Variants in GPC5 observed in about 807,000 individuals in gnomAD.
GPC5 encodes the protein glypican 5.
In GPC5, 47 loss-of-function variants were observed where a neutral mutation model predicts 53.9. The observed-to-expected ratio is 0.87, with a 90% CI of 0.69 to 1.11. The LOEUF is 1.11. GPC5 is among the 50% of genes most tolerant of loss of function. GPC5 has a pLI of 0.00. For synonymous variants in GPC5, 286 were observed against 263.3 expected, an observed-to-expected ratio of 1.09 and a Z score of -0.84; for missense variants, 748 against 713.1, an observed-to-expected ratio of 1.05 and a Z score of -0.56.
At chr13:92,293,413 G>C (rs2043011408) in intron 7 of GPC5, among the ~76,000 whole-genome samples, 1 of 135,238 alleles carries the variant, frequency 7.4e-6, no homozygotes, top group Admixed American at 7.4e-5. Flanking sequence ...AAGGTTGGTT[G>C]GTTGGTTTCT....
chr13:91,598,791 C>T (rs2033082057), intron 2 of GPC5, among the ~76,000 whole-genome samples: 1 of 152,062 alleles, frequency 6.6e-6, no homozygotes, highest in Non-Finnish European at 1.5e-5. Flanking sequence ...GCCCCCTCCT[C>T]ATCTACCTAA....
intron 6 of GPC5, among the ~76,000 whole-genome samples, chr13:92,126,190 C>T (rs185809237): frequency 6.6e-6 from 1 of 151,584 alleles, no homozygotes; most frequent in Non-Finnish European, 1.5e-5. Context: ...CCTGACCTTG[C>T]GATCCACCCG....
At chr13:92,569,095 A>G (rs1882946445) in intron 7 of GPC5, among the ~76,000 whole-genome samples, 1 of 97,760 alleles carries the variant, frequency 1.0e-5, no homozygotes, top group Admixed American at 1.5e-4. Flanking sequence ...ACCCCACAAC[A>G]GTCCCCAGAG....
chr13:91,706,890 A>G (rs529373414), intron 3 of GPC5, among the ~76,000 whole-genome samples: 31 of 152,322 alleles, frequency 2.0e-4, no homozygotes, highest in African/African-American at 7.5e-4. Flanking sequence ...GGAATGTGCC[A>G]AATAGCAACA....
intron 7 of GPC5, among the ~76,000 whole-genome samples, chr13:92,857,416 T>C (rs375719773): frequency 6.6e-6 from 1 of 152,084 alleles, no homozygotes; most frequent in Non-Finnish European, 1.5e-5. Context: ...TGGTAAAAAA[T>C]TTATGACCAA....
intron 7 of GPC5, among the ~76,000 whole-genome samples, chr13:92,774,729 A>G (rs921397689): frequency 6.6e-6 from 1 of 152,190 alleles, no homozygotes; most frequent in African/African-American, 2.4e-5. Flanking sequence ...GACAAAATGA[A>G]CTTATGAAAG....
chr13:91,913,006 C>T (rs759302317), intron 6 of GPC5, among the ~76,000 whole-genome samples: 7 of 152,108 alleles, frequency 4.6e-5, no homozygotes, highest in Non-Finnish European at 1.0e-4. Flanking sequence ...TCTCTAGAGA[C>T]CAAGGTAACT....
intron 7 of GPC5, among the ~76,000 whole-genome samples, chr13:92,600,661 C>A (rs980236836): frequency 2.6e-5 from 1 of 38,964 alleles, no homozygotes; most frequent in Admixed American, 4.0e-4. Context: ...CCACACCCAG[C>A]TATTTTTTTT....
At chr13:91,493,612 G>C (rs1022206957) in intron 2 of GPC5, among the ~76,000 whole-genome samples, 3 of 151,962 alleles carry the variant, frequency 2.0e-5, no homozygotes, top group Non-Finnish European at 2.9e-5. Flanking sequence ...GTCTGCTCTT[G>C]AAATAAAAAA....
intron 7 of GPC5, among the ~76,000 whole-genome samples, chr13:92,389,881 T>C (rs1874914639): frequency 6.6e-6 from 1 of 152,166 alleles, no homozygotes; most frequent in South Asian, 2.1e-4. Flanking sequence ...AAAGTATATC[T>C]AAAAAGTATG....
intron 7 of GPC5, among the ~76,000 whole-genome samples, chr13:92,738,137 G>A (rs1031830525): frequency 4.6e-5 from 7 of 151,890 alleles, no homozygotes; most frequent in East Asian, 3.9e-4. Flanking sequence ...GTATTGGTTC[G>A]AGGAATAAGA....
At chr13:91,445,061 A>C (rs1233712438) in intron 1 of GPC5, among the ~76,000 whole-genome samples, 1 of 152,186 alleles carries the variant, frequency 6.6e-6, no homozygotes, top group Non-Finnish European at 1.5e-5. Flanking sequence ...GCGATGGCAA[A>C]ACTAGCACAA....
intron 6 of GPC5, among the ~76,000 whole-genome samples, chr13:91,926,700 T>G (rs929540199): frequency 5.3e-5 from 8 of 152,196 alleles, no homozygotes; most frequent in Non-Finnish European, 1.2e-4. Flanking sequence ...GAGTGGGGAA[T>G]TATATCTGTC....
chr13:92,854,265 AAT>A (rs1878914419), intron 7 of GPC5, among the ~76,000 whole-genome samples: 2 of 146,254 alleles, frequency 1.4e-5, no homozygotes, highest in Non-Finnish European at 3.0e-5. Flanking sequence ...CAGTTTATTG[AAT>A]ATAGATATCC....
intron 7 of GPC5, among the ~76,000 whole-genome samples, chr13:92,568,713 C>T (rs1350165983): frequency 2.0e-5 from 3 of 152,124 alleles, no homozygotes; most frequent in African/African-American, 7.2e-5. Context: ...GCTTCATACA[C>T]ATTAGTTCGT....
At chr13:91,779,949 T>C (rs2037772650) in intron 5 of GPC5, among the ~76,000 whole-genome samples, 1 of 152,346 alleles carries the variant, frequency 6.6e-6, no homozygotes, top group Non-Finnish European at 1.5e-5. Context: ...TATAGTTTAG[T>C]AAATACATAA....
intron 2 of GPC5, among the ~76,000 whole-genome samples, chr13:91,553,631 C>T (rs189270936): frequency 1.3e-5 from 2 of 152,110 alleles, no homozygotes; most frequent in Admixed American, 6.6e-5. Context: ...TGTAAGGCAT[C>T]GTTTTATATG....
intron 7 of GPC5, among the ~76,000 whole-genome samples, chr13:92,458,499 A>C (rs1878361487): frequency 6.6e-6 from 1 of 152,028 alleles, no homozygotes. Context: ...GGGTTTCACC[A>C]TGTTGGCAGG....
chr13:92,424,968 AG>A (rs1438138224), intron 7 of GPC5, among the ~76,000 whole-genome samples: 1 of 152,100 alleles, frequency 6.6e-6, no homozygotes, highest in African/African-American at 2.4e-5. Context: ...CTGTCTTGAT[AG>A]GCTGACATCT....
Sources: allele counts gnomAD v4.1 joint callset (sites outside exome capture counted in the v4.1 genomes callset), GRCh38; gene constraint gnomAD v4.1.1; transcripts MANE v1.5; gene names NCBI Gene and HGNC (gene_info 2026-07-23, HGNC 2026-07-21).